FAXC: variants seen among roughly 807,000 people sequenced by gnomAD.
FAXC encodes failed axon connections homolog.
In FAXC, 10 loss-of-function variants were observed where a neutral mutation model predicts 41.9. The ratio of observed to expected loss-of-function variants is 0.24; its 90% CI spans 0.15 to 0.41. The LOEUF is 0.41. Ranked by LOEUF, FAXC falls within the 10% of genes least tolerant of loss-of-function variation. The pLI is 1.00. For synonymous variants in FAXC, 183 were observed against 183.8 expected (o/e 1.00, Z 0.03); for missense variants, 399 against 510.9 (o/e 0.78, Z 2.11).
intron 5 of FAXC, among the ~76,000 whole-genome samples, chr6:99,285,097 G>A (rs750381706): frequency 6.6e-6 from 1 of 151,602 alleles, no homozygotes; most frequent in African/African-American, 2.4e-5. Context: ...CTACATGGCT[G>A]GCAGAGGCAT....
chr6:99,281,373 T>C lies in FAXC; in HGVS notation c.1021A>G (p.Thr341Ala). Residue 341 changes from threonine (T) to alanine (A), a missense_variant, in exon 6 of 6, where the codon ACC becomes GCC. Around this residue, in one of 3 missense-constraint regions of FAXC, gnomAD observed 92 missense variants for 94.9 expected, o/e 0.97. Transcript: ENST00000389677. ...CTGCTCTCCTCAGACTCATAGATGGTATTGTCATCATCGTGGTGCCACTCT... is the reference window on the plus strand; with the variant it reads ...CTGCTCTCCTCAGACTCATAGATGGCATTGTCATCATCGTGGTGCCACTCT... The part of the protein sequence containing the change: ...WPEWHHDDDN[T>A]IYESEESSEG... 1 of 1,614,196 alleles carries C rather than the reference T, an allele frequency of 6.2e-7. No individual in the cohort carries two copies. The highest frequency in any genetic ancestry group is 1.1e-5 in the South Asian group (1 of 91,088).
At position 99,291,726 on chromosome 6, in the gene FAXC, TG is replaced by T; in HGVS notation, c.917del (p.Thr306LysfsTer6). 6.2e-7 allele frequency: 1 copy of T among 1,614,032 alleles called. No individual in the cohort carries two copies. The highest frequency in any genetic ancestry group is 8.5e-7 in the Non-Finnish European group (1 of 1,179,970). On this transcript the variant is annotated frameshift_variant, in exon 5 of 6. Coordinates refer to ENST00000389677, the MANE Select transcript of FAXC (RefSeq NM_032511.4). LOFTEE classifies it high-confidence loss of function. ...LAQAMWTLPG[T>X]RPERLIKGEL... ...TGCCTTTGATCAGCCGTTCGGGTCT[TG>T]TCCCTGGTAAGGTCCACATTGCCTG... is the stretch of plus-strand genomic sequence containing the variant.
chr6:99,300,498 G>A (rs1396853831), intron 4 of FAXC, among the ~76,000 whole-genome samples: 3 of 152,180 alleles, frequency 2.0e-5, no homozygotes, highest in Admixed American at 1.3e-4. Context: ...ACTCACTGAT[G>A]ATCAGCCTTC....
At position 99,272,556 on chromosome 6, in the gene FAXC, G is replaced by C. The variant is rs1337487793; in HGVS notation, c.*8608C>G. 6.6e-6 allele frequency: 1 copy of C among 152,232 alleles called. No homozygotes were observed. The highest frequency in any genetic ancestry group is 2.4e-5 in the African/African-American group (1 of 41,446). The allele number at this position is 152,232 out of a possible 1,614,324, so 9.4% of individuals were successfully genotyped here. A position where few individuals can be genotyped will look rare whatever the true frequency, so the allele number is the denominator to read the frequency against. On this transcript the variant is annotated 3_prime_UTR_variant, in exon 6 of 6. Coordinates refer to ENST00000389677, the MANE Select transcript of FAXC (RefSeq NM_032511.4). ...GTAAAGGTCTCAACATGTGCTCCCA[G>C]CTCTCCCTCTCCTCCTTGTCTTCTC... is the stretch of plus-strand genomic sequence containing the variant.
rs1770745906 is a variant in FAXC, at chr6:99,279,464, T to TG, written c.*1699_*1700insC. On this transcript the variant is annotated 3_prime_UTR_variant, in exon 6 of 6. Transcript: ENST00000389677. ...TGCAAATGCTATATTCAAAAAGAGG[T>TG]TTTTTTTTTTTCAAGTAAAGTGCAT... 1.3e-5 allele frequency: 1 copy of TG among 75,436 alleles called. No homozygotes were observed. The highest frequency in any genetic ancestry group is 4.5e-5 in the African/African-American group (1 of 22,066). 4.7% of individuals were successfully genotyped at this position (75,436 alleles called of 1,614,324 possible). A position where few individuals can be genotyped will look rare whatever the true frequency, so the allele number is the denominator to read the frequency against.
rs1372545136 is a variant in FAXC, at chr6:99,349,139, A to G, written c.234T>C (p.Ala78=). The stretch of plus-strand genomic sequence containing the variant: ...CCAGGAGTTCGTGGAGCAGATACGC[A>G]GCTGCGGCCAGCAAAGCTCCCCCGG... The part of the protein sequence containing the change: ...YLTGGALLAA[A]AYLLHELLVI... Residue 78 remains alanine, a synonymous_variant, in exon 1 of 6, where the codon GCT becomes GCC. Coordinates refer to ENST00000389677, the MANE Select transcript of FAXC (RefSeq NM_032511.4). 1 of 1,613,560 alleles carries G rather than the reference A, an allele frequency of 6.2e-7. No individual in the cohort carries two copies. The highest frequency in any genetic ancestry group is 1.3e-5 in the African/African-American group (1 of 74,926).
chr6:99,333,485 T>A lies in FAXC; in HGVS notation c.465A>T (p.Glu155Asp). The stretch of plus-strand genomic sequence containing the variant: ...TTATGAATTCTGTGCCAGAAACTTT[T>A]TCATGATTATATTCAATCCAAGGCA... The part of the protein sequence containing the change: ...GKMPWIEYNH[E>D]KVSGTEFIID... Residue 155 changes from glutamate to aspartate, a missense_variant, in exon 3 of 6, where the codon GAA becomes GAT. Transcript: ENST00000389677. 6.2e-7 allele frequency: 1 copy of A among 1,614,152 alleles called. No individual in the cohort carries two copies. The highest frequency in any genetic ancestry group is 8.5e-7 in the Non-Finnish European group (1 of 1,180,020).
chr6:99,295,013 C>T (rs1379978412), intron 4 of FAXC, among the ~76,000 whole-genome samples: 3 of 152,154 alleles, frequency 2.0e-5, no homozygotes, highest in Non-Finnish European at 2.9e-5. Context: ...GCCACATGGA[C>T]CTTAATCTCA....
Position 99,349,089 on chromosome 6 carries a change from G to A in FAXC, c.266+18C>T. On this transcript the variant is annotated intron_variant, in intron 1 of 5. Coordinates refer to ENST00000389677, the MANE Select transcript of FAXC (RefSeq NM_032511.4). ...GCCCCTCTCTGCGCCCCTGTGCGGG[G>A]CCCTCTCTCCGGCTCACCTAATGAC... 6.2e-7 allele frequency: 1 copy of A among 1,611,636 alleles called. No individual in the cohort carries two copies.
chr6:99,349,225 A>G lies in FAXC; in HGVS notation c.148T>C (p.Tyr50His). Residue 50 changes from tyrosine to histidine, a missense_variant, in exon 1 of 6, where the codon TAC (tyrosine) becomes CAC (histidine). By Grantham distance (83) the Tyr-to-His change is moderately conservative. Coordinates refer to ENST00000389677, the MANE Select transcript of FAXC (RefSeq NM_032511.4). ...GDIIAFPLQD[Y>H]GGIMAGLGSD... ...CCCAGCCCTGCCATGATCCCACCGT[A>G]ATCCTGCAAAGGGAAAGCGATGATG... 2.5e-6 allele frequency: 4 copies of G among 1,613,930 alleles called. No individual in the cohort carries two copies. The highest frequency in any genetic ancestry group is 3.4e-6 in the Non-Finnish European group (4 of 1,180,008).
At chr6:99,283,598 A>C (rs976395598) in intron 5 of FAXC, among the ~76,000 whole-genome samples, 15 of 152,234 alleles carry the variant, frequency 9.9e-5, no homozygotes, top group African/African-American at 2.7e-4. Context: ...GAAACTGAGA[A>C]GTCAACACCA....
intron 1 of FAXC, among the ~76,000 whole-genome samples, chr6:99,344,408 A>G (rs1023042805): frequency 1.3e-5 from 2 of 152,094 alleles, no homozygotes; most frequent in Non-Finnish European, 2.9e-5. Flanking sequence ...CATTGTTCCC[A>G]GTACAACACC....
At chr6:99,348,919 T>C (rs1308472978) in intron 1 of FAXC, among the ~76,000 whole-genome samples, 188 bp downstream of exon 1, 1 of 152,172 alleles carries the variant, frequency 6.6e-6, no homozygotes, top group African/African-American at 2.4e-5. Flanking sequence ...GGTTTAATTC[T>C]CCTTTCAACT....
intron 4 of FAXC, among the ~76,000 whole-genome samples, chr6:99,301,252 T>C (rs1248475558): frequency 6.6e-6 from 1 of 152,240 alleles, no homozygotes; most frequent in African/African-American, 2.4e-5. Flanking sequence ...CACTCATCAG[T>C]ATGCTGGACA....
At chr6:99,324,220 G>T (rs943628017) in intron 3 of FAXC, among the ~76,000 whole-genome samples, 2 of 151,254 alleles carry the variant, frequency 1.3e-5, no homozygotes, top group African/African-American at 2.4e-5. Flanking sequence ...AAAAATTTCT[G>T]AAAGAAACCT....
chr6:99,284,682 G>C (rs221543), intron 5 of FAXC, among the ~76,000 whole-genome samples: 1 of 151,988 alleles, frequency 6.6e-6, no homozygotes, highest in South Asian at 2.1e-4. Flanking sequence ...GAAGGCTGAA[G>C]TGGGCGGATC....
chr6:99,281,190 A>C lies in FAXC; in HGVS notation c.1204T>G (p.Tyr402Asp). ...LFDSDVDMDDYTDHEQCK is the reference protein window; with the variant it reads ...LFDSDVDMDDDTDHEQCK Reference sequence around the variant, plus strand: ...CACTTGCACTGTTCGTGGTCTGTATAGTCATCCATGTCCACATCCGAATCA... The same window carrying C: ...CACTTGCACTGTTCGTGGTCTGTATCGTCATCCATGTCCACATCCGAATCA... Residue 402 changes from tyrosine to aspartate, a missense_variant, in exon 6 of 6, where the codon TAT becomes GAT. This residue lies in a region of FAXC where 92 missense variants were observed against 94.9 expected (regional missense o/e 0.97). Coordinates refer to ENST00000389677, the MANE Select transcript of FAXC (RefSeq NM_032511.4). 6.7e-7 allele frequency: 1 copy of C among 1,503,506 alleles called. No individual in the cohort carries two copies. The highest frequency in any genetic ancestry group is 1.4e-5 in the African/African-American group (1 of 72,812). 93.1% of individuals were successfully genotyped at this position (1,503,506 alleles called of 1,614,324 possible).
At chr6:99,343,144 T>C in intron 1 of FAXC, 111 bp from the exon 2 acceptor site, 1 of 963,860 alleles carries the variant, frequency 1.0e-6, no homozygotes, top group Admixed American at 2.8e-5. Context: ...AACAAGCAGA[T>C]CTGTTTGTCA....
Position 99,280,208 on chromosome 6 carries a change from A to G in FAXC, c.*956T>C, listed in dbSNP as rs1562145365. The G allele has an allele frequency of 6.6e-6, 1 of 152,214 alleles. No homozygotes were observed. The highest frequency in any genetic ancestry group is 6.5e-5 in the Admixed American group (1 of 15,282). The allele number at this position is 152,214 out of a possible 1,614,324, so 9.4% of individuals were successfully genotyped here. A position where few individuals can be genotyped will look rare whatever the true frequency, so the allele number is the denominator to read the frequency against. ...TGTTTGTAGCTGTCGATAATTTGTA[A>G]AAACATTTCCAATGTTCTTTGAACA... On this transcript the variant is annotated 3_prime_UTR_variant, in exon 6 of 6. Transcript: ENST00000389677.
Sources: allele counts gnomAD v4.1 joint callset (sites outside exome capture counted in the v4.1 genomes callset), GRCh38; gene constraint gnomAD v4.1.1; regional missense constraint gnomAD v4.1.1; transcripts MANE v1.5; gene names NCBI Gene and HGNC (gene_info 2026-07-23, HGNC 2026-07-21).